PHACTR1: variants seen among roughly 807,000 people sequenced by gnomAD.
The protein encoded by PHACTR1 is phosphatase and actin regulator 1.
A neutral mutation model predicts 69.2 loss-of-function variants in PHACTR1; 16 were observed. The observed-to-expected ratio is 0.23, with a 90% CI of 0.16 to 0.35. PHACTR1 has a LOEUF of 0.35. Among genes scored for constraint, PHACTR1 ranks in the 10% least tolerant of loss-of-function variants. PHACTR1 has a pLI of 1.00. For synonymous variants in PHACTR1, 312 were observed against 284.5 expected, an observed-to-expected ratio of 1.10 and a Z score of -0.97; for missense variants, 510 against 734.7, an observed-to-expected ratio of 0.69 and a Z score of 3.54.
At chr6:12,796,882 C>T (rs751814053) in intron 4 of PHACTR1, among the ~76,000 whole-genome samples, 12 of 152,254 alleles carry the variant, frequency 7.9e-5, no homozygotes, top group South Asian at 2.1e-4. Flanking sequence ...CAGTTATTAT[C>T]GCCTCCATTT....
intron 4 of PHACTR1, among the ~76,000 whole-genome samples, chr6:12,946,250 G>T (rs1431327149): frequency 6.6e-6 from 1 of 152,054 alleles, no homozygotes; most frequent in Non-Finnish European, 1.5e-5. Context: ...TGGCATCAGG[G>T]AGGGATGGAG....
rs1778611014 is a variant in PHACTR1 at position 13,275,099 on chromosome 6, C to T, written c.1447+2184C>T. On this transcript the variant is annotated intron_variant, in intron 11 of 14. Coordinates refer to ENST00000332995, the MANE Select transcript of PHACTR1 (RefSeq NM_030948.6). The surrounding 1 kb of genome is among the most constrained non-coding windows in gnomAD (Gnocchi z 4.0). The stretch of plus-strand genomic sequence containing the variant: ...TAAAACTGATTTTCTGAGCTTTCAG[C>T]CATTTGAGGAACTGCTCGGTGTTGG... 1 of 152,188 alleles carries T rather than the reference C, an allele frequency of 6.6e-6. No individual in the cohort carries two copies. The highest frequency in any genetic ancestry group is 6.5e-5 in the Admixed American group (1 of 15,288). 9.4% of individuals were successfully genotyped at this position (152,188 alleles called of 1,614,324 possible).
intron 4 of PHACTR1, among the ~76,000 whole-genome samples, chr6:12,766,122 T>C (rs1287730896): frequency 2.0e-5 from 3 of 152,186 alleles, no homozygotes. Flanking sequence ...TATATATTTC[T>C]GAAAACGATA....
chr6:12,768,444 A>G (rs1490376291), intron 4 of PHACTR1, among the ~76,000 whole-genome samples: 1 of 152,168 alleles, frequency 6.6e-6, no homozygotes, highest in Non-Finnish European at 1.5e-5. Context: ...ATCCTGGAAG[A>G]AACAGTTATC....
chr6:13,155,540 AAGTAAAACC>A (rs1369501467), intron 5 of PHACTR1, among the ~76,000 whole-genome samples: 1 of 152,190 alleles, frequency 6.6e-6, no homozygotes, highest in Non-Finnish European at 1.5e-5. Context: ...GAGCTGCTTA[AAGTAAAACC>A]AGAAGAGAGG....
chr6:12,895,128 T>C (rs1434020438), intron 4 of PHACTR1, among the ~76,000 whole-genome samples: 1 of 151,990 alleles, frequency 6.6e-6, no homozygotes, highest in Non-Finnish European at 1.5e-5. Context: ...ATATTGTGTA[T>C]ATATTTAACT....
At chr6:13,095,108 C>T (rs921829640) in intron 5 of PHACTR1, among the ~76,000 whole-genome samples, 1 of 152,166 alleles carries the variant, frequency 6.6e-6, no homozygotes, top group African/African-American at 2.4e-5. Flanking sequence ...CAGAATGAAA[C>T]TTACCTTGCC....
rs768023709 is a variant in PHACTR1, at chr6:13,283,594, G to A, written c.1650+32G>A. On this transcript the variant is annotated intron_variant, in intron 13 of 14. Coordinates refer to ENST00000332995, the MANE Select transcript of PHACTR1 (RefSeq NM_030948.6). This position sits in a 1 kb window ranked among gnomAD's most constrained non-coding sequence, Gnocchi z 4.7. The stretch of plus-strand genomic sequence containing the variant: ...AGAGGGGAGTGCTGGAGAGTGGGAG[G>A]CAGGACCGTCTGCTGGGTCTCGCTG... 1 of 1,613,504 alleles carries A rather than the reference G, an allele frequency of 6.2e-7. No homozygotes were observed. Among genetic ancestry groups the A allele is most frequent in the South Asian group, 1.1e-5 (1 of 91,076 alleles).
intron 5 of PHACTR1, among the ~76,000 whole-genome samples, chr6:13,110,470 C>G (rs986408321): frequency 6.6e-6 from 1 of 152,146 alleles, no homozygotes; most frequent in African/African-American, 2.4e-5. Flanking sequence ...TTTTCTTTCC[C>G]CAAAGGTTGT....
At chr6:12,756,412 G>A (rs1767328178) in intron 4 of PHACTR1, among the ~76,000 whole-genome samples, 2 of 152,036 alleles carry the variant, frequency 1.3e-5, no homozygotes, top group Admixed American at 1.3e-4. Context: ...GTGGGGGAGT[G>A]GGCAGTATTG....
rs1770603137 is a variant in PHACTR1, at chr6:13,230,200, C to G, written c.1391+7C>G. The G allele has an allele frequency of 3.7e-6, 6 of 1,605,254 alleles. No homozygotes were observed. The highest frequency in any genetic ancestry group is 5.1e-6 in the Non-Finnish European group (6 of 1,176,200). Reference sequence around the variant, plus strand: ...TTGGCACCAAGCTCACCAGGTAGGACAGCGGCACCCTCTGCCTCCCTGGCA... The same window carrying G: ...TTGGCACCAAGCTCACCAGGTAGGAGAGCGGCACCCTCTGCCTCCCTGGCA... On this transcript the variant is annotated splice_region_variant and intron_variant, in intron 10 of 14. Transcript: ENST00000332995.
At chr6:12,871,910 A>G (rs932655522) in intron 4 of PHACTR1, among the ~76,000 whole-genome samples, 1 of 151,866 alleles carries the variant, frequency 6.6e-6, no homozygotes, top group Non-Finnish European at 1.5e-5. Flanking sequence ...ACATTTGGTT[A>G]CCCTGAAATA....
At chr6:13,247,257 A>G (rs563872133) in intron 10 of PHACTR1, among the ~76,000 whole-genome samples, 101 of 151,300 alleles carry the variant, frequency 6.7e-4, no homozygotes, top group African/African-American at 2.4e-3. Flanking sequence ...TGTAAATCCA[A>G]CCGTCCTTTC....
intron 4 of PHACTR1, among the ~76,000 whole-genome samples, chr6:13,043,243 A>T (rs1804470882): frequency 6.6e-6 from 1 of 152,204 alleles, no homozygotes; most frequent in African/African-American, 2.4e-5. Context: ...CCTGGCCAAC[A>T]TGGCAAAACC....
At chr6:13,009,496 T>A (rs1214415778) in intron 4 of PHACTR1, among the ~76,000 whole-genome samples, 1 of 152,162 alleles carries the variant, frequency 6.6e-6, no homozygotes, top group African/African-American at 2.4e-5. Context: ...TATTTTGTAT[T>A]TCTACTGTAT....
chr6:12,815,249 G>A (rs1775450794), intron 4 of PHACTR1, among the ~76,000 whole-genome samples: 2 of 152,162 alleles, frequency 1.3e-5, no homozygotes, highest in South Asian at 4.1e-4. Flanking sequence ...GCAAATGGTT[G>A]TTTTGTTTTG....
At chr6:12,824,908 G>T (rs1319319301) in intron 4 of PHACTR1, among the ~76,000 whole-genome samples, 2 of 152,190 alleles carry the variant, frequency 1.3e-5, no homozygotes, top group African/African-American at 4.8e-5. Flanking sequence ...CCTTGGGCAG[G>T]TGACTTGTGC....
At chr6:12,841,394 G>C (rs1439999758) in intron 4 of PHACTR1, among the ~76,000 whole-genome samples, 1 of 152,158 alleles carries the variant, frequency 6.6e-6, no homozygotes, top group African/African-American at 2.4e-5. Context: ...CCACCAGCTT[G>C]AACCTGTTAA....
At chr6:13,046,034 A>G (rs1804977342) in intron 4 of PHACTR1, among the ~76,000 whole-genome samples, 1 of 152,200 alleles carries the variant, frequency 6.6e-6, no homozygotes, top group African/African-American at 2.4e-5. Flanking sequence ...CATGAGGACT[A>G]CCATTCTTGC....
Sources: allele counts gnomAD v4.1 joint callset (sites outside exome capture counted in the v4.1 genomes callset), GRCh38; gene constraint gnomAD v4.1.1; non-coding constraint Gnocchi (gnomAD v3.1); transcripts MANE v1.5; gene names NCBI Gene and HGNC (gene_info 2026-07-23, HGNC 2026-07-21).